CCDC7: variants seen among roughly 807,000 people sequenced by gnomAD.
The protein encoded by CCDC7 is coiled-coil domain-containing protein 7.
CCDC7 carries 183 observed loss-of-function variants against 196.9 expected under a neutral mutation model. The ratio of observed to expected loss-of-function variants is 0.93; its 90% CI spans 0.82 to 1.05. CCDC7 has a LOEUF of 1.05. Among genes scored for constraint, CCDC7 ranks in the 50% least tolerant of loss-of-function variants. The pLI is 0.00. For synonymous variants in CCDC7, 525 were observed against 484.6 expected, an observed-to-expected ratio of 1.08 and a Z score of -1.10; for missense variants, 1,540 against 1,482.2, an observed-to-expected ratio of 1.04 and a Z score of -0.64.
intron 39 of CCDC7, among the ~76,000 whole-genome samples, chr10:32,849,911 T>C (rs1286502799): frequency 6.6e-6 from 1 of 152,022 alleles, no homozygotes; most frequent in South Asian, 2.1e-4. Context: ...GTGTCCCTGA[T>C]TCTGCAGGGG....
At chr10:32,463,783 C>G (rs2036212550) in intron 5 of CCDC7, among the ~76,000 whole-genome samples, 1 of 152,114 alleles carries the variant, frequency 6.6e-6, no homozygotes, top group African/African-American at 2.4e-5. Context: ...TATATCCTAG[C>G]ATCTTCTCAT....
At chr10:32,557,773 C>G (rs2054610289) in intron 13 of CCDC7, among the ~76,000 whole-genome samples, 1 of 152,084 alleles carries the variant, frequency 6.6e-6, no homozygotes, top group Non-Finnish European at 1.5e-5. Context: ...CTCACTGCAG[C>G]TTTGAGCTCC....
chr10:32,653,580 G>T (rs1009768507), intron 20 of CCDC7, among the ~76,000 whole-genome samples: 2 of 152,138 alleles, frequency 1.3e-5, no homozygotes, highest in Non-Finnish European at 2.9e-5. Flanking sequence ...CATTCAATTT[G>T]ATGTTCCTGT....
intron 30 of CCDC7, among the ~76,000 whole-genome samples, chr10:32,809,562 G>C (rs779790711): frequency 6.6e-6 from 1 of 152,140 alleles, no homozygotes; most frequent in Non-Finnish European, 1.5e-5. Context: ...CAAAAAGTGG[G>C]CAAAGGATAT....
chr10:32,510,140 A>T (rs1460294575), intron 9 of CCDC7, among the ~76,000 whole-genome samples: 1 of 152,196 alleles, frequency 6.6e-6, no homozygotes, highest in East Asian at 1.9e-4. Context: ...TAATGGATGA[A>T]TGGATATAAT....
chr10:32,562,893 G>C (rs180962816), intron 13 of CCDC7, among the ~76,000 whole-genome samples: 1 of 151,814 alleles, frequency 6.6e-6, no homozygotes, highest in South Asian at 2.1e-4. Flanking sequence ...TGTCATCTGG[G>C]CTAGAAAACC....
chr10:32,548,270 C>G (rs1589752629), intron 13 of CCDC7, among the ~76,000 whole-genome samples: 1 of 152,170 alleles, frequency 6.6e-6, no homozygotes, highest in East Asian at 1.9e-4. Context: ...TTCCGATTGG[C>G]TATTTTAAAG....
intron 33 of CCDC7, among the ~76,000 whole-genome samples, chr10:32,838,361 A>C (rs2092763567): frequency 1.3e-5 from 2 of 152,070 alleles, no homozygotes; most frequent in Non-Finnish European, 2.9e-5. Flanking sequence ...AAGTCTCCAT[A>C]ATAGAACCGA....
At chr10:32,647,571 A>G (rs1240722898) in intron 20 of CCDC7, among the ~76,000 whole-genome samples, 1 of 152,128 alleles carries the variant, frequency 6.6e-6, no homozygotes, top group Non-Finnish European at 1.5e-5. Flanking sequence ...TTTGACTTGC[A>G]TTACTCTAAT....
At chr10:32,704,471 G>T (rs1421569744) in intron 24 of CCDC7, among the ~76,000 whole-genome samples, 1 of 139,884 alleles carries the variant, frequency 7.1e-6, no homozygotes, top group Non-Finnish European at 1.5e-5. Flanking sequence ...CCCACTTGAG[G>T]AGGCAGTCAG....
chr10:32,820,117 G>A (rs2089851921), intron 31 of CCDC7, among the ~76,000 whole-genome samples: 1 of 152,190 alleles, frequency 6.6e-6, no homozygotes, highest in African/African-American at 2.4e-5. Flanking sequence ...CTTCAGCAAA[G>A]TCTCCAGATA....
In CCDC7 at chr10:32,726,282, TGTAGA is replaced by T. The variant is rs201936679; in HGVS notation, c.2570-448_2570-444del. On this transcript the variant is annotated intron_variant, in intron 25 of 41. Coordinates refer to ENST00000639629, the Ensembl canonical transcript of CCDC7. ...ATGTATAGAATTATATATAGTGATATGTAGAGTATTTATATCATATCATAATTTAT... is the reference window on the plus strand; with the variant it reads ...ATGTATAGAATTATATATAGTGATATGTATTTATATCATATCATAATTTAT... Among the ~76,000 whole-genome samples, 1,200 of 152,026 alleles carry T rather than the reference TGTAGA, an allele frequency of 7.9e-3. 6 individuals carry two copies. Among genetic ancestry groups the T allele is most frequent in the Middle Eastern group, 0.021 (6 of 290 alleles).
intron 28 of CCDC7, among the ~76,000 whole-genome samples, chr10:32,756,982 A>G (rs1321040652): frequency 6.6e-6 from 1 of 152,222 alleles, no homozygotes; most frequent in African/African-American, 2.4e-5. Context: ...CTTTAAACCA[A>G]CAAAGATCAA....
At chr10:32,788,474 G>A (rs2082199122) in intron 29 of CCDC7, among the ~76,000 whole-genome samples, 1 of 152,118 alleles carries the variant, frequency 6.6e-6, no homozygotes, top group African/African-American at 2.4e-5. Flanking sequence ...GCAGATACTG[G>A]TACAGGCCTG....
Position 32,453,448 on chromosome 10 carries a change from C to A in CCDC7, c.372+12C>A, listed in dbSNP as rs1347465136. The A allele has an allele frequency of 6.7e-7, 1 of 1,492,864 alleles. No individual in the cohort carries two copies. Among genetic ancestry groups the A allele is most frequent in the Non-Finnish European group, 8.9e-7 (1 of 1,119,228 alleles). The allele number at this position is 1,492,864 out of a possible 1,614,324, so 92.5% of individuals were successfully genotyped here. On this transcript the variant is annotated intron_variant, in intron 2 of 41. Transcript: ENST00000639629. ...AATTATCTTTATCTGTAAGTATATGCAACCCTAATATAGAGACATTAACAC... is the reference window on the plus strand; with the variant it reads ...AATTATCTTTATCTGTAAGTATATGAAACCCTAATATAGAGACATTAACAC...
chr10:32,555,390 C>T (rs1261711352), intron 13 of CCDC7, among the ~76,000 whole-genome samples: 1 of 151,840 alleles, frequency 6.6e-6, no homozygotes, highest in Non-Finnish European at 1.5e-5. Flanking sequence ...GGACTATGGG[C>T]GGGCGCCACC....
chr10:32,511,875 C>T (rs549677218), intron 9 of CCDC7: 46 of 628,252 alleles, frequency 7.3e-5, no homozygotes, highest in Non-Finnish European at 1.3e-4. Flanking sequence ...GCTTTTTATA[C>T]ACAAATTACA....
rs1485183397 is a variant in CCDC7, at chr10:32,583,354, C to A, written c.1728+47C>A. On this transcript the variant is annotated intron_variant, in intron 17 of 41. Transcript: ENST00000639629. Reference sequence around the variant, plus strand: ...GAAAGCTGTTTATTTCATATTGCTCCTTCAATAAATAAATGCTAACCCATT... The same window carrying A: ...GAAAGCTGTTTATTTCATATTGCTCATTCAATAAATAAATGCTAACCCATT... The A allele has an allele frequency of 2.7e-6, 3 of 1,125,508 alleles. No homozygotes were observed. The African/African-American group carries it at 4.8e-5, about 18-fold the overall frequency. 69.7% of individuals were successfully genotyped at this position (1,125,508 alleles called of 1,614,324 possible). A position where few individuals can be genotyped will look rare whatever the true frequency, so the allele number is the denominator to read the frequency against.
At chr10:32,869,198 GTTC>G (rs1055379265) in intron 41 of CCDC7, among the ~76,000 whole-genome samples, 28 of 152,114 alleles carry the variant, frequency 1.8e-4, no homozygotes, top group African/African-American at 5.8e-4. Context: ...GTGTAAAAGT[GTTC>G]TTATTTCTCC....
Sources: gnomAD v4.1 joint callset for allele counts (sites outside exome capture counted in the v4.1 genomes callset) on GRCh38, gnomAD v4.1.1 for gene constraint, MANE v1.5 for transcripts, NCBI Gene and HGNC (gene_info 2026-07-23, HGNC 2026-07-21) for gene names.